Variants in MTSS1 observed in about 807,000 individuals in gnomAD.
MTSS1 encodes MTSS I-BAR domain containing 1.
A neutral mutation model predicts 79.0 loss-of-function variants in MTSS1; 18 were observed. The observed-to-expected ratio is 0.23, with a 90% CI of 0.16 to 0.34. The LOEUF is 0.34. Ranked by LOEUF, MTSS1 falls within the 10% of genes least tolerant of loss-of-function variation. MTSS1 has a pLI of 1.00. For synonymous variants in MTSS1, 341 were observed against 368.6 expected (o/e 0.93, Z 0.86); for missense variants, 815 against 986.2 (o/e 0.83, Z 2.33).
rs968701924 is a variant in MTSS1 at position 124,651,467 on chromosome 8, G to C, written c.208+48059C>G. 5.3e-5 allele frequency among the ~76,000 whole-genome samples: 8 copies of C among 151,616 alleles called. No individual in the cohort carries two copies. In the East Asian group the frequency reaches 9.7e-4, roughly 18 times the overall value. ...CACATGGTCTTTTTTTTTTTGGTGG[G>C]GGGGGAGGGGCATAGATTACTACAG... On this transcript the variant is annotated intron_variant, in intron 3 of 13. Coordinates refer to ENST00000518547, the MANE Select transcript of MTSS1 (RefSeq NM_014751.6).
At chr8:124,681,726 T>G (rs189374665) in intron 3 of MTSS1, among the ~76,000 whole-genome samples, 1 of 152,242 alleles carries the variant, frequency 6.6e-6, no homozygotes, top group Non-Finnish European at 1.5e-5. Context: ...AGGCAGAGGT[T>G]GCAGTGAGCC....
At chr8:124,580,165 T>G in intron 6 of MTSS1, 1 of 101,740 alleles carries the variant, frequency 9.8e-6, no homozygotes, top group South Asian at 2.6e-4. Flanking sequence ...TTTTGAGGCT[T>G]GCAGCTCTGT....
chr8:124,574,837 AC>A, intron 6 of MTSS1, among the ~76,000 whole-genome samples: 1 of 152,320 alleles, frequency 6.6e-6, no homozygotes, highest in African/African-American at 2.4e-5. Context: ...CTGCAAAATG[AC>A]TTTCACCTGC....
At position 124,646,015 on chromosome 8, in the gene MTSS1, G is replaced by C. The variant is rs1818936702; in HGVS notation, c.208+53511C>G. Among the ~76,000 whole-genome samples, 5 of 152,208 alleles carry C rather than the reference G, an allele frequency of 3.3e-5. No homozygotes were observed. In the South Asian group the frequency reaches 1.0e-3, roughly 32 times the overall value. On this transcript the variant is annotated intron_variant, in intron 3 of 13. Transcript: ENST00000518547. Reference sequence around the variant, plus strand: ...ACTGTGAATGTCTATTTAGAAAAAAGTATGTAAAATAAAACACACTTTAAA... The same window carrying C: ...ACTGTGAATGTCTATTTAGAAAAAACTATGTAAAATAAAACACACTTTAAA...
chr8:124,662,357 G>A (rs949176497), intron 3 of MTSS1, among the ~76,000 whole-genome samples: 1 of 152,146 alleles, frequency 6.6e-6, no homozygotes, highest in Non-Finnish European at 1.5e-5. Flanking sequence ...ATGTATTCCA[G>A]GGCCCGGCAC....
At chr8:124,667,782 CAA>C (rs1823379957) in intron 3 of MTSS1, among the ~76,000 whole-genome samples, 1 of 152,168 alleles carries the variant, frequency 6.6e-6, no homozygotes, top group African/African-American at 2.4e-5. Context: ...AGCTAAGATT[CAA>C]AGTCTCCAAG....
intron 3 of MTSS1, among the ~76,000 whole-genome samples, chr8:124,669,729 C>T (rs532572100): frequency 1.3e-5 from 2 of 152,286 alleles, no homozygotes; most frequent in African/African-American, 4.8e-5. Flanking sequence ...GTGCTAAAAT[C>T]TGCTGGTTTC....
intron 1 of MTSS1, among the ~76,000 whole-genome samples, chr8:124,724,168 T>A (rs752291547): frequency 1.1e-4 from 17 of 152,070 alleles, no homozygotes; most frequent in Non-Finnish European, 2.5e-4. Context: ...GAAATCACTA[T>A]CCAGTGTTGG....
chr8:124,566,020 C>A, intron 8 of MTSS1: 2 of 296,404 alleles, frequency 6.7e-6, no homozygotes, highest in South Asian at 5.9e-5. Context: ...AAATATCAGT[C>A]GAGAGAGGGA....
intron 6 of MTSS1, among the ~76,000 whole-genome samples, chr8:124,571,186 G>C (rs537553586): frequency 2.6e-5 from 4 of 152,296 alleles, no homozygotes; most frequent in African/African-American, 7.2e-5. Flanking sequence ...TTCTCTCCTG[G>C]AATCTGCCTC....
At chr8:124,666,862 T>C (rs1277644505) in intron 3 of MTSS1, among the ~76,000 whole-genome samples, 2 of 151,924 alleles carry the variant, frequency 1.3e-5, no homozygotes, top group African/African-American at 4.8e-5. Flanking sequence ...TGATCAGATC[T>C]GAACTAAGGA....
At chr8:124,635,635 G>A (rs1046363814) in intron 3 of MTSS1, among the ~76,000 whole-genome samples, 10 of 152,144 alleles carry the variant, frequency 6.6e-5, no homozygotes, top group African/African-American at 2.4e-4. Flanking sequence ...GCCATGCTAA[G>A]TTGCTTGAGG....
intron 6 of MTSS1, chr8:124,577,666 C>T (rs1162103543): frequency 3.9e-6 from 2 of 516,594 alleles, no homozygotes; most frequent in Admixed American, 3.9e-5. Flanking sequence ...AGGGGTCTGG[C>T]TGTGCCTACA....
intron 3 of MTSS1, among the ~76,000 whole-genome samples, chr8:124,667,687 G>T (rs897082260): frequency 2.0e-5 from 3 of 152,048 alleles, no homozygotes; most frequent in East Asian, 3.9e-4. Flanking sequence ...CCGGGAGGAG[G>T]TATTATTATC....
intron 3 of MTSS1, among the ~76,000 whole-genome samples, chr8:124,608,771 G>A (rs1035801027): frequency 1.3e-5 from 2 of 152,144 alleles, no homozygotes; most frequent in Admixed American, 1.3e-4. Context: ...GGGTGCTGTG[G>A]GCAGCTATGC....
intron 3 of MTSS1, among the ~76,000 whole-genome samples, chr8:124,659,821 G>T (rs1222130027): frequency 1.3e-5 from 2 of 152,190 alleles, no homozygotes; most frequent in African/African-American, 4.8e-5. Flanking sequence ...CTATTTCTAA[G>T]AAGCAATTAC....
At position 124,551,671 on chromosome 8, in the gene MTSS1, ATC is replaced by A. The variant is rs1822543790; in HGVS notation, c.*1319_*1320del. 1 of 152,288 alleles carries A rather than the reference ATC, an allele frequency of 6.6e-6. No individual in the cohort carries two copies. The highest frequency in any genetic ancestry group is 2.4e-5 in the African/African-American group (1 of 41,450). 9.4% of individuals were successfully genotyped at this position (152,288 alleles called of 1,614,324 possible). ...AAATGTGATCCCTTTAAATCTACAA[ATC>A]TCTGTTGGCTTTAGGGGATGGGCAG... On this transcript the variant is annotated 3_prime_UTR_variant, in exon 14 of 14. Coordinates refer to ENST00000518547, the MANE Select transcript of MTSS1 (RefSeq NM_014751.6).
chr8:124,551,862 AAAG>A lies in MTSS1; in HGVS notation c.*1127_*1129del, dbSNP rs1428976745. 2.0e-5 allele frequency: 3 copies of A among 152,634 alleles called. No homozygotes were observed. The highest frequency in any genetic ancestry group is 6.5e-5 in the Admixed American group (1 of 15,282). 9.5% of individuals were successfully genotyped at this position (152,634 alleles called of 1,614,324 possible). On this transcript the variant is annotated 3_prime_UTR_variant, in exon 14 of 14. Transcript: ENST00000518547. ...AAGCCAGTTAACTGCCATTTATTTGAAAGAAGAAAAGAAAAACAAGCCCCCAGA... is the reference window on the plus strand; with the variant it reads ...AAGCCAGTTAACTGCCATTTATTTGAAAGAAAAGAAAAACAAGCCCCCAGA...
chr8:124,557,917 T>C (rs1278961216), intron 10 of MTSS1, 42 bp from the exon 11 acceptor site: 11 of 1,469,742 alleles, frequency 7.5e-6, no homozygotes, highest in Non-Finnish European at 1.0e-5. Flanking sequence ...GAAAAAAAAT[T>C]AATATAACAG....
Sources: gnomAD v4.1 joint callset for allele counts (sites outside exome capture counted in the v4.1 genomes callset) on GRCh38, gnomAD v4.1.1 for gene constraint, MANE v1.5 for transcripts, NCBI Gene and HGNC (gene_info 2026-07-23, HGNC 2026-07-21) for gene names.